ACYP2: variants seen among roughly 807,000 people sequenced by gnomAD.
ACYP2 encodes the protein acylphosphatase-2.
Under a neutral mutation model 11.2 loss-of-function variants are expected in ACYP2, and 12 were observed. The observed-to-expected ratio is 1.08, with a 90% CI of 0.69 to 1.74. The LOEUF (loss-of-function observed/expected upper bound fraction) is 1.74, where lower values mean the gene tolerates loss of function less well. Ranked by LOEUF, ACYP2 falls within the 40% of genes most tolerant of loss-of-function variation. The probability of loss-of-function intolerance (pLI) is 0.00; values close to 1 mark genes in which losing one functional copy is unlikely to be tolerated. For synonymous variants in ACYP2, 43 were observed against 32.2 expected (o/e 1.33, Z -1.13); for missense variants, 134 against 101.9 (o/e 1.31, Z -1.35).
rs1218172835 is a variant in ACYP2, at chr2:54,269,444, A to G, written c.405-35244A>G. Among the ~76,000 whole-genome samples the G allele has an allele frequency of 3.3e-5, 5 of 152,264 alleles. No individual in the cohort carries two copies. The East Asian group carries it at 9.6e-4, about 29-fold the overall frequency. The stretch of plus-strand genomic sequence containing the variant: ...AAAAGAATTATGATAAGAATAAAGC[A>G]TCAGGAAGGAGAAAGACAAACTGAT... On this transcript the variant is annotated intron_variant, in intron 6 of 6. Coordinates refer to ENST00000607452, the MANE Select transcript of ACYP2 (RefSeq NM_001320586.2).
chr2:54,190,611 G>A lies in ACYP2; in HGVS notation c.404+51863G>A, dbSNP rs545804030. Among the ~76,000 whole-genome samples, 8 of 151,872 alleles carry A rather than the reference G, an allele frequency of 5.3e-5. No homozygotes were observed. In the South Asian group the frequency reaches 1.0e-3, roughly 20 times the overall value. The stretch of plus-strand genomic sequence containing the variant: ...CTTCTGCCTCTCTTACTGACAGCCC[G>A]CCCCTCCCAGTCTCCTTCCATGGTT... On this transcript the variant is annotated intron_variant, in intron 6 of 6. Transcript: ENST00000607452.
At chr2:54,067,410 T>G (rs757426186) in intron 4 of ACYP2, among the ~76,000 whole-genome samples, 32 of 152,232 alleles carry the variant, frequency 2.1e-4, no homozygotes, top group Non-Finnish European at 4.4e-4. Flanking sequence ...ATTTCTACCT[T>G]GCACTATGTT....
intron 2 of ACYP2, among the ~76,000 whole-genome samples, chr2:54,013,312 TGTG>T (rs1388841971): frequency 5.8e-5 from 8 of 138,064 alleles, no homozygotes; most frequent in Non-Finnish European, 9.4e-5. Flanking sequence ...TGTGTGTGTG[TGTG>T]TTTTGAGACA....
intron 2 of ACYP2, chr2:53,975,265 A>G: frequency 2.5e-6 from 1 of 398,428 alleles, no homozygotes; most frequent in African/African-American, 2.1e-5. Context: ...TCCAGATGAC[A>G]ATGAGCTCCC....
chr2:54,035,565 T>G (rs1202374859), intron 2 of ACYP2, among the ~76,000 whole-genome samples: 1 of 152,128 alleles, frequency 6.6e-6, no homozygotes, highest in African/African-American at 2.4e-5. Flanking sequence ...GCTCCCGGCC[T>G]AGAGACAATT....
At chr2:54,188,895 C>G (rs1414419687) in intron 6 of ACYP2, among the ~76,000 whole-genome samples, 1 of 152,192 alleles carries the variant, frequency 6.6e-6, no homozygotes, top group Non-Finnish European at 1.5e-5. Flanking sequence ...TCTCCTGTTT[C>G]TGCAGACAAA....
chr2:54,235,890 CCT>C (rs1169401265), intron 6 of ACYP2, among the ~76,000 whole-genome samples: 1 of 152,044 alleles, frequency 6.6e-6, no homozygotes, highest in Non-Finnish European at 1.5e-5. Context: ...AGTGACGTTT[CCT>C]CTTTTATTTC....
chr2:53,971,667 T>G (rs1457957261), intron 1 of ACYP2, among the ~76,000 whole-genome samples: 1 of 152,168 alleles, frequency 6.6e-6, no homozygotes, highest in African/African-American at 2.4e-5. Context: ...ATAATGCTCT[T>G]AATTGCTAGA....
chr2:54,190,052 G>C (rs1684177184), intron 6 of ACYP2, among the ~76,000 whole-genome samples: 1 of 152,070 alleles, frequency 6.6e-6, no homozygotes, highest in South Asian at 2.1e-4. Flanking sequence ...TAAAAATCAA[G>C]TTATATGTTT....
At chr2:54,297,960 T>C (rs1307340704) in intron 6 of ACYP2, among the ~76,000 whole-genome samples, 5 of 152,212 alleles carry the variant, frequency 3.3e-5, no homozygotes, top group African/African-American at 9.6e-5. Context: ...GAAATTATGC[T>C]AAACTCTAAT....
At chr2:54,031,289 C>T (rs1674573823) in intron 2 of ACYP2, among the ~76,000 whole-genome samples, 1 of 126,522 alleles carries the variant, frequency 7.9e-6, no homozygotes, top group African/African-American at 3.1e-5. Context: ...CCCCACCCCA[C>T]ATCAGGCCCT....
At chr2:54,252,231 T>C (rs1687259875) in intron 6 of ACYP2, among the ~76,000 whole-genome samples, 1 of 152,234 alleles carries the variant, frequency 6.6e-6, no homozygotes, top group South Asian at 2.1e-4. Context: ...ATTCATATTA[T>C]TGCATGTAGG....
intron 6 of ACYP2, among the ~76,000 whole-genome samples, chr2:54,273,464 C>CT (rs1364583882): frequency 6.6e-6 from 1 of 151,970 alleles, no homozygotes; most frequent in African/African-American, 2.4e-5. Flanking sequence ...CATTTCTAAA[C>CT]TTTTTGTTTG....
At chr2:54,158,151 A>C (rs975709889) in intron 6 of ACYP2, among the ~76,000 whole-genome samples, 4 of 151,008 alleles carry the variant, frequency 2.6e-5, no homozygotes, top group Non-Finnish European at 5.9e-5. Context: ...TCAGCCTCCC[A>C]AGTAGCTGGA....
chr2:54,135,249 A>C (rs1014418147), intron 4 of ACYP2, among the ~76,000 whole-genome samples: 15 of 152,218 alleles, frequency 9.9e-5, no homozygotes, highest in African/African-American at 3.4e-4. Flanking sequence ...TCAGAAAGGC[A>C]TTCAATTTAA....
intron 2 of ACYP2, among the ~76,000 whole-genome samples, chr2:53,974,419 G>A (rs1671363737): frequency 6.6e-6 from 1 of 152,180 alleles, no homozygotes; most frequent in Admixed American, 6.5e-5. Flanking sequence ...GGAAGTTGGA[G>A]AAGTTCTTTC....
At chr2:54,235,013 CA>C (rs148971471) in intron 6 of ACYP2, among the ~76,000 whole-genome samples, 1 of 152,098 alleles carries the variant, frequency 6.6e-6, no homozygotes. Flanking sequence ...TATTCTGATG[CA>C]AAAAACCCCT....
intron 2 of ACYP2, among the ~76,000 whole-genome samples, chr2:54,013,253 ATATGTGTGTG>A (rs1673479392): frequency 4.1e-5 from 1 of 24,180 alleles, no homozygotes; most frequent in African/African-American, 2.9e-4. Context: ...CCACCATCTA[ATATGTGTGTG>A]TGTGTGTGTG....
chr2:54,136,393 C>T (rs1387984650), intron 5 of ACYP2, among the ~76,000 whole-genome samples: 1 of 152,062 alleles, frequency 6.6e-6, no homozygotes, highest in African/African-American at 2.4e-5. Flanking sequence ...TGCATTTTCA[C>T]CTACTATCTG....
Sources: gnomAD v4.1 joint callset for allele counts (sites outside exome capture counted in the v4.1 genomes callset) on GRCh38, gnomAD v4.1.1 for gene constraint, MANE v1.5 for transcripts, NCBI Gene and HGNC (gene_info 2026-07-23, HGNC 2026-07-21) for gene names.